Variants in ZNF503 observed in about 807,000 individuals in gnomAD.
ZNF503 encodes NocA-like zinc finger 2.
In ZNF503, 15 loss-of-function variants were observed where a neutral mutation model predicts 34.4. The observed-to-expected ratio is 0.44, with a 90% CI of 0.29 to 0.67. The LOEUF is 0.67. Ranked by LOEUF, ZNF503 falls within the 30% of genes least tolerant of loss-of-function variation. ZNF503 has a pLI of 0.13. For synonymous variants in ZNF503, 580 were observed against 456.8 expected (o/e 1.27, Z -3.44); for missense variants, 1,007 against 926.8 (o/e 1.09, Z -1.12).
chr10:75,317,389 T>C, the ZNF503 span, among the ~76,000 whole-genome samples: 1 of 136,130 alleles, frequency 7.3e-6, no homozygotes, highest in Non-Finnish European at 1.6e-5. Context: ...GCCATTCTCC[T>C]ATCTCAGCCT....
chr10:75,329,350 A>C, the ZNF503 span, among the ~76,000 whole-genome samples: 2,450 of 148,144 alleles, frequency 0.017, 28 homozygotes, highest in Non-Finnish European at 0.026. Flanking sequence ...TCTCTTTTTC[A>C]TTGAGACTAT....
rs890277869 is a variant in ZNF503, at chr10:75,397,860, T to C, written c.*889A>G. 2.6e-5 allele frequency: 4 copies of C among 152,646 alleles called. No homozygotes were observed. The highest frequency in any genetic ancestry group is 4.8e-5 in the African/African-American group (2 of 41,448). The allele number at this position is 152,646 out of a possible 1,614,324, so 9.5% of individuals were successfully genotyped here. ...GTAAAACCCTTTAATACATCAAATA[T>C]ACGGAATTTTAATCTTTAAAGCGAT... On this transcript the variant is annotated 3_prime_UTR_variant, in exon 2 of 2. Transcript: ENST00000372524.
chr10:75,379,411 G>A, the ZNF503 span, among the ~76,000 whole-genome samples: 1 of 152,162 alleles, frequency 6.6e-6, no homozygotes, highest in Non-Finnish European at 1.5e-5. Context: ...GCTTGATGCA[G>A]TAGATCTGTT....
At chr10:75,284,740 G>T in the ZNF503 span, among the ~76,000 whole-genome samples, 1 of 152,186 alleles carries the variant, frequency 6.6e-6, no homozygotes, top group Non-Finnish European at 1.5e-5. Flanking sequence ...CGATTTCCAT[G>T]GGTGTGGTTA....
the ZNF503 span, among the ~76,000 whole-genome samples, chr10:75,325,328 TA>T: frequency 0.19 from 22,977 of 118,822 alleles, 2,107 homozygotes; most frequent in Non-Finnish European, 0.22. Context: ...TATATATATA[TA>T]TTTTTTTTTT....
At chr10:75,342,910 G>C in the ZNF503 span, among the ~76,000 whole-genome samples, 1 of 152,180 alleles carries the variant, frequency 6.6e-6, no homozygotes, top group Non-Finnish European at 1.5e-5. Context: ...TAAGACTAAA[G>C]ACAAACGGTC....
the ZNF503 span, among the ~76,000 whole-genome samples, chr10:75,354,741 A>G: frequency 2.0e-5 from 3 of 152,174 alleles, no homozygotes; most frequent in Non-Finnish European, 4.4e-5. Flanking sequence ...AAACAAAAAA[A>G]AACTTGAATC....
the ZNF503 span, among the ~76,000 whole-genome samples, chr10:75,349,319 A>G: frequency 1.3e-4 from 20 of 152,180 alleles, no homozygotes; most frequent in Non-Finnish European, 2.6e-4. Context: ...CTTTTATGAC[A>G]TTGACATTTT....
chr10:75,379,578 A>T, the ZNF503 span, among the ~76,000 whole-genome samples: 4 of 152,242 alleles, frequency 2.6e-5, no homozygotes, highest in African/African-American at 4.8e-5. Flanking sequence ...AGTTCTGCCC[A>T]GCACGGACTG....
At chr10:75,357,000 G>C in the ZNF503 span, among the ~76,000 whole-genome samples, 269 of 152,254 alleles carry the variant, frequency 1.8e-3, no homozygotes, top group African/African-American at 5.5e-3. Flanking sequence ...GAAAAAACAG[G>C]GTTCCTCAAT....
the ZNF503 span, among the ~76,000 whole-genome samples, chr10:75,375,287 A>AT: frequency 6.6e-6 from 1 of 150,786 alleles, no homozygotes; most frequent in East Asian, 2.0e-4. Flanking sequence ...CACCTGGCTA[A>AT]TTTTTTTGTA....
At chr10:75,377,746 T>C in the ZNF503 span, among the ~76,000 whole-genome samples, 1,470 of 152,324 alleles carry the variant, frequency 9.7e-3, 31 homozygotes, top group African/African-American at 0.031. Flanking sequence ...CATTGTGCAA[T>C]GCGAGGTCTG....
the ZNF503 span, among the ~76,000 whole-genome samples, chr10:75,351,986 A>C: frequency 6.6e-6 from 1 of 152,194 alleles, no homozygotes. Context: ...TTGCCGCCAC[A>C]AGGTGAGCAC....
At chr10:75,310,889 T>C in the ZNF503 span, among the ~76,000 whole-genome samples, 1 of 152,164 alleles carries the variant, frequency 6.6e-6, no homozygotes, top group South Asian at 2.1e-4. Context: ...AAAAGTCCCA[T>C]AGTCTCATAA....
chr10:75,398,779 C>T lies in ZNF503; in HGVS notation c.1911G>A (p.Leu637=), dbSNP rs747188548. 1.4e-6 allele frequency: 2 copies of T among 1,435,946 alleles called. No individual in the cohort carries two copies. Among genetic ancestry groups the T allele is most frequent in the Admixed American group, 5.7e-5 (2 of 35,130 alleles). The allele number at this position is 1,435,946 out of a possible 1,614,324, so 89.0% of individuals were successfully genotyped here. The change falls in exon 2 of 2, where the codon CTG becomes CTA. Residue 637 remains leucine (L), a synonymous_variant. Transcript: ENST00000372524. The stretch of plus-strand genomic sequence containing the variant: ...GATACCCCAGCGCCGAGGCGGTGGT[C>T]AGTCTCTGTCCGTAGAGGGCGTAGG... ...YSPYALYGQR[L]TTASALGYQ
chr10:75,338,820 C>A, the ZNF503 span, among the ~76,000 whole-genome samples: 1 of 152,228 alleles, frequency 6.6e-6, no homozygotes, highest in African/African-American at 2.4e-5. Flanking sequence ...CAGCGGTGTG[C>A]CCTGCTTCGA....
chr10:75,343,903 G>A, the ZNF503 span, among the ~76,000 whole-genome samples: 1 of 152,180 alleles, frequency 6.6e-6, no homozygotes, highest in Non-Finnish European at 1.5e-5. Context: ...TTGTGCGGGG[G>A]GTGACATCTG....
At chr10:75,299,505 A>G in the ZNF503 span, among the ~76,000 whole-genome samples, 7 of 152,094 alleles carry the variant, frequency 4.6e-5, no homozygotes, top group Non-Finnish European at 1.0e-4. Context: ...TTCAGTGCAT[A>G]TATATTTATA....
chr10:75,396,246 T>C (rs1156352932), downstream of ZNF503, among the ~76,000 whole-genome samples: 1 of 151,884 alleles, frequency 6.6e-6, no homozygotes, highest in Non-Finnish European at 1.5e-5. The surrounding 1 kb of genome is among the most constrained non-coding windows in gnomAD (Gnocchi z 4.4). Flanking sequence ...GGGACCAGAG[T>C]GGGACCGGGG....
Sources: allele counts gnomAD v4.1 joint callset (sites outside exome capture counted in the v4.1 genomes callset), GRCh38; gene constraint gnomAD v4.1.1; non-coding constraint Gnocchi (gnomAD v3.1); transcripts MANE v1.5; gene names NCBI Gene and HGNC (gene_info 2026-07-23, HGNC 2026-07-21).